ADAMTSL1: variants seen among roughly 807,000 people sequenced by gnomAD.
ADAMTSL1 encodes the protein ADAMTS like 1.
Under a neutral mutation model 201.8 loss-of-function variants are expected in ADAMTSL1, and 126 were observed. That is an observed-to-expected ratio of 0.62 (90% CI 0.54 to 0.72). The LOEUF (loss-of-function observed/expected upper bound fraction) is 0.72. Among genes scored for constraint, ADAMTSL1 ranks in the 30% least tolerant of loss-of-function variants. The pLI, the probability that ADAMTSL1 is intolerant of heterozygous loss-of-function variation, is 0.00. For missense variants in ADAMTSL1, 2,679 were observed against 2,277.8 expected (o/e 1.18, Z -3.59); for synonymous variants, 1,121 against 903.4 (o/e 1.24, Z -4.32).
chr9:18,761,965 G>C (rs1025148817), intron 16 of ADAMTSL1, among the ~76,000 whole-genome samples: 2 of 152,234 alleles, frequency 1.3e-5, no homozygotes, highest in Non-Finnish European at 2.9e-5. Context: ...CTGCAAAGCA[G>C]CTTCTGGCTA....
chr9:17,954,658 A>G (rs187948732), intron 1 of ADAMTSL1, among the ~76,000 whole-genome samples: 244 of 152,280 alleles, frequency 1.6e-3, no homozygotes, highest in Non-Finnish European at 2.4e-3. Flanking sequence ...TAGTGTGCCT[A>G]TGAAATATTT....
intron 1 of ADAMTSL1, among the ~76,000 whole-genome samples, chr9:18,014,621 C>T (rs1820179932): frequency 6.6e-6 from 1 of 152,196 alleles, no homozygotes; most frequent in Admixed American, 6.5e-5. Flanking sequence ...CTTATTGCAG[C>T]CATCTCTGCA....
intron 2 of ADAMTSL1, among the ~76,000 whole-genome samples, chr9:18,276,585 G>C (rs983785856): frequency 6.6e-6 from 1 of 152,138 alleles, no homozygotes; most frequent in African/African-American, 2.4e-5. Flanking sequence ...GTTTATTTTG[G>C]CTCACAGTTC....
rs1477908983 is a variant in ADAMTSL1, at chr9:18,886,164, GTGTATATATATATATATATATATATATA to G, written c.4250-1665_4250-1638del. Among the ~76,000 whole-genome samples, 490 of 62,244 alleles carry G rather than the reference GTGTATATATATATATATATATATATATA, an allele frequency of 7.9e-3. 24 individuals carry two copies. The highest frequency in any genetic ancestry group is 0.023 in the Middle Eastern group (2 of 88). 40.8% of individuals were successfully genotyped at this position (62,244 alleles called of 152,430 possible). The stretch of plus-strand genomic sequence containing the variant: ...TGTATATATACATGTGAGTGTGTAT[GTGTATATATATATATATATATATATATA>G]TATATATATATATATATATACACAC... On this transcript the variant is annotated intron_variant, in intron 23 of 28. Transcript: ENST00000380548.
At chr9:18,352,341 T>C (rs1215861502) in intron 2 of ADAMTSL1, among the ~76,000 whole-genome samples, 3 of 152,198 alleles carry the variant, frequency 2.0e-5, no homozygotes, top group African/African-American at 7.2e-5. Context: ...GATTTGGAAA[T>C]GATTTGTAAG....
chr9:18,036,417 A>G (rs1821198275), intron 1 of ADAMTSL1, among the ~76,000 whole-genome samples: 1 of 152,178 alleles, frequency 6.6e-6, no homozygotes, highest in African/African-American at 2.4e-5. Flanking sequence ...TCTCCATTAG[A>G]CTGGATAAAT....
chr9:18,372,782 T>A (rs979146066), intron 2 of ADAMTSL1, among the ~76,000 whole-genome samples: 3 of 152,210 alleles, frequency 2.0e-5, no homozygotes, highest in Non-Finnish European at 4.4e-5. Flanking sequence ...CTAAAATATA[T>A]GCTTTCTGTA....
intron 1 of ADAMTSL1, among the ~76,000 whole-genome samples, chr9:18,122,613 C>T (rs145113966): frequency 6.6e-6 from 1 of 152,082 alleles, no homozygotes; most frequent in East Asian, 1.9e-4. Flanking sequence ...GGAAAATAAG[C>T]CTACAAAATT....
intron 4 of ADAMTSL1, among the ~76,000 whole-genome samples, chr9:18,617,303 T>G (rs1203536127): frequency 6.6e-6 from 1 of 152,218 alleles, no homozygotes; most frequent in African/African-American, 2.4e-5. Context: ...TGGCTACTAA[T>G]GAAGACATTT....
intron 3 of ADAMTSL1, among the ~76,000 whole-genome samples, chr9:18,536,137 A>T (rs925844448): frequency 1.6e-4 from 25 of 152,118 alleles, no homozygotes; most frequent in African/African-American, 6.0e-4. Flanking sequence ...AAAAACACAC[A>T]AAAAAAATTT....
At chr9:18,220,630 TA>T (rs2132356301) in intron 2 of ADAMTSL1, among the ~76,000 whole-genome samples, 1 of 152,288 alleles carries the variant, frequency 6.6e-6, no homozygotes, top group Admixed American at 6.5e-5. Context: ...TGTTTTGATT[TA>T]TTTTTACCGT....
chr9:18,733,849 C>T (rs374952149), intron 15 of ADAMTSL1, among the ~76,000 whole-genome samples: 64 of 151,862 alleles, frequency 4.2e-4, no homozygotes, highest in Non-Finnish European at 7.2e-4. Context: ...GTCACTTGTA[C>T]GGGGTACAGT....
intron 2 of ADAMTSL1, among the ~76,000 whole-genome samples, chr9:18,307,931 C>G (rs1357326212): frequency 3.3e-5 from 5 of 152,078 alleles, no homozygotes; most frequent in East Asian, 3.8e-4. Flanking sequence ...TTAAAATTGA[C>G]CACATAATTG....
At chr9:18,056,386 T>G (rs567117986) in intron 1 of ADAMTSL1, among the ~76,000 whole-genome samples, 11 of 152,292 alleles carry the variant, frequency 7.2e-5, no homozygotes, top group Non-Finnish European at 1.2e-4. Flanking sequence ...TTTCAAATCC[T>G]GAGCCTCCAG....
At chr9:18,670,009 T>C (rs915376666) in intron 9 of ADAMTSL1, among the ~76,000 whole-genome samples, 2 of 152,188 alleles carry the variant, frequency 1.3e-5, no homozygotes, top group Non-Finnish European at 2.9e-5. Context: ...CTTGTATGTC[T>C]TCCAACTTTT....
intron 8 of ADAMTSL1, among the ~76,000 whole-genome samples, chr9:18,658,216 C>T (rs1375556439): frequency 5.3e-5 from 8 of 152,110 alleles, no homozygotes; most frequent in African/African-American, 9.7e-5. Context: ...CCTCGTGATC[C>T]GCCCACCTCG....
chr9:18,874,277 G>T (rs1161770240), intron 23 of ADAMTSL1, among the ~76,000 whole-genome samples: 1 of 151,908 alleles, frequency 6.6e-6, no homozygotes, highest in African/African-American at 2.4e-5. Context: ...ATTTGGATGC[G>T]CTTTCTTTCT....
chr9:18,109,463 A>G (rs1278721749), intron 1 of ADAMTSL1, among the ~76,000 whole-genome samples: 2 of 152,172 alleles, frequency 1.3e-5, no homozygotes, highest in Admixed American at 6.5e-5. Flanking sequence ...GCCCCAGGTA[A>G]TAAATCATCC....
At chr9:18,094,600 T>G (rs543395849) in intron 1 of ADAMTSL1, among the ~76,000 whole-genome samples, 1 of 149,454 alleles carries the variant, frequency 6.7e-6, no homozygotes, top group African/African-American at 2.5e-5. Context: ...TAAATCTAAG[T>G]ATAATCAGTG....
Sources: gnomAD v4.1 joint callset for allele counts (sites outside exome capture counted in the v4.1 genomes callset) on GRCh38, gnomAD v4.1.1 for gene constraint, MANE v1.5 for transcripts, NCBI Gene and HGNC (gene_info 2026-07-23, HGNC 2026-07-21) for gene names.